FASN: variants seen among roughly 807,000 people sequenced by gnomAD.
FASN encodes the protein 3-hydroxyacyl-[acyl-carrier-protein] dehydratase.
FASN carries 50 observed loss-of-function variants against 250.0 expected under a neutral mutation model. The observed-to-expected ratio is 0.20, with a 90% CI of 0.16 to 0.25. The LOEUF is 0.25. FASN is among the 10% of genes least tolerant of loss of function. The probability of loss-of-function intolerance (pLI) is 1.00; values close to 1 mark genes in which losing one functional copy is unlikely to be tolerated. For missense variants in FASN, 3,031 were observed against 3,498.5 expected (o/e 0.87, Z 3.37); for synonymous variants, 1,909 against 1,584.0 (o/e 1.21, Z -4.87).
chr17:82,080,762 G>A lies in FASN; in HGVS notation c.6756C>T (p.Gly2252=), dbSNP rs1392026455. 1.2e-6 allele frequency: 2 copies of A among 1,603,694 alleles called. No homozygotes were observed. The highest frequency in any genetic ancestry group is 4.5e-5 in the East Asian group (2 of 44,496). The change falls in exon 39 of 43, where the codon GGC becomes GGT. Residue 2252 remains glycine (G), a synonymous_variant. Coordinates refer to ENST00000306749, the MANE Select transcript of FASN (RefSeq NM_004104.5). The part of the protein sequence containing the change: ...RPLFLVHPIE[G]STTVFHSLAS... ...CCAGGCTGTGGAACACGGTGGTGGA[G>A]CCCTCGATTGGGTGCACCAGGAACA...
intron 3 of FASN, 189 bp from the exon 4 acceptor site, chr17:82,093,960 G>A (rs1301105097): frequency 1.5e-6 from 1 of 649,922 alleles, no homozygotes; most frequent in African/African-American, 1.8e-5. Context: ...CCAGAACAGA[G>A]CCTGTGGCCA....
At chr17:82,088,690 G>A (rs2034149169) in intron 15 of FASN, 71 bp downstream of exon 15, 18 of 1,513,594 alleles carry the variant, frequency 1.2e-5, no homozygotes, top group Non-Finnish European at 1.4e-5. Flanking sequence ...TGAGGGGCCC[G>A]CAGCCCCGCT....
At position 82,084,042 on chromosome 17, in the gene FASN, C is replaced by T. The variant is rs373883359; in HGVS notation, c.5031G>A (p.Ser1677=). ...CGATGGCGGCCTGGCCCACGCCGCC[C>T]GAGCCCGAGTGGATGAGCAGCGTCT... The part of the protein sequence containing the change: ...PGETLLIHSG[S]GGVGQAAIAI... The change falls in exon 29 of 43, where the codon TCG becomes TCA. Residue 1677 remains serine, a synonymous_variant. Transcript: ENST00000306749. 1.7e-4 allele frequency: 256 copies of T among 1,542,932 alleles called. No individual in the cohort carries two copies. The highest frequency in any genetic ancestry group is 9.1e-4 in the East Asian group (37 of 40,864).
chr17:82,087,252 C>T lies in FASN; in HGVS notation c.3225G>A (p.Val1075=), dbSNP rs1431514911. The T allele has an allele frequency of 3.1e-6, 5 of 1,605,500 alleles. No individual in the cohort carries two copies. The highest frequency in any genetic ancestry group is 2.5e-6 in the Non-Finnish European group (3 of 1,177,424). Residue 1075 remains valine (V), a splice_region_variant and synonymous_variant, in exon 21 of 43, where the codon GTG becomes GTA. Coordinates refer to ENST00000306749, the MANE Select transcript of FASN (RefSeq NM_004104.5). The part of the protein sequence containing the change: ...KLYTLQDKAQ[V]ADVVVSRWLR... ...GCCACCTGCTCACCACCACGTCAGCCACTGTGGGGACAGGCTGGGTGAGTG... is the reference window on the plus strand; with the variant it reads ...GCCACCTGCTCACCACCACGTCAGCTACTGTGGGGACAGGCTGGGTGAGTG...
rs777252616 is a variant in FASN at position 82,083,812 on chromosome 17, T to C, written c.5178A>G (p.Thr1726=). Reference sequence around the variant, plus strand: ...GCCACAGCACATGCTGCTCGAAGGATGTGTCCCGGGAGTTGGCGAAGCTGG... The same window carrying C: ...GCCACAGCACATGCTGCTCGAAGGACGTGTCCCGGGAGTTGGCGAAGCTGG... ...DSTSFANSRD[T]SFEQHVLWHT... The change falls in exon 30 of 43, where the codon ACA becomes ACG. Residue 1726 remains threonine (T), a synonymous_variant. Transcript: ENST00000306749. 10 of 1,608,912 alleles carry C rather than the reference T, an allele frequency of 6.2e-6. No individual in the cohort carries two copies. The South Asian group carries it at 8.9e-5, about 14-fold the overall frequency.
intron 2 of FASN, among the ~76,000 whole-genome samples, chr17:82,095,735 G>C (rs570258047): frequency 1.3e-5 from 2 of 152,332 alleles, no homozygotes; most frequent in Admixed American, 1.3e-4. Context: ...AGCTCGGCGG[G>C]AGTGAGGCTG....
intron 4 of FASN, 49 bp from the exon 5 acceptor site, chr17:82,093,468 C>A: frequency 6.3e-7 from 1 of 1,580,676 alleles, no homozygotes; most frequent in Non-Finnish European, 8.6e-7. Context: ...GCACACGAGA[C>A]CCCTGAGCAC....
chr17:82,086,590 C>T, intron 21 of FASN, 32 bp from the exon 22 acceptor site: 3 of 1,550,696 alleles, frequency 1.9e-6, no homozygotes, highest in Non-Finnish European at 2.7e-6. Flanking sequence ...CCTGGTGTTC[C>T]CAAAGCCCCA....
At chr17:82,095,227 C>T in intron 3 of FASN, 93 bp downstream of exon 3, 2 of 1,469,136 alleles carry the variant, frequency 1.4e-6, no homozygotes, top group South Asian at 1.1e-5. Context: ...GGTGCCAGCA[C>T]CTGGTTCTAC....
chr17:82,092,670 G>A, intron 7 of FASN, 27 bp downstream of exon 7: 1 of 1,440,348 alleles, frequency 6.9e-7, no homozygotes. Context: ...ATGGGGTGGT[G>A]AGTGGGGCGG....
At chr17:82,080,038 G>A (rs1370386362) in intron 41 of FASN, 102 bp downstream of exon 41, 6 of 1,251,482 alleles carry the variant, frequency 4.8e-6, no homozygotes, top group Non-Finnish European at 7.0e-6. Context: ...TGAAGTTGGG[G>A]GGCCTTTAAC....
chr17:82,082,819 C>G (rs553835393), intron 33 of FASN, 95 bp downstream of exon 33: 2 of 1,555,872 alleles, frequency 1.3e-6, no homozygotes, highest in African/African-American at 2.7e-5. Context: ...CCCCAGGCAC[C>G]GTGACAGCCC....
rs1598579238 is a variant in FASN at position 82,088,037 on chromosome 17, G to A, written c.2786-3C>T. 2 of 1,612,662 alleles carry A rather than the reference G, an allele frequency of 1.2e-6. No homozygotes were observed. The highest frequency in any genetic ancestry group is 1.7e-6 in the Non-Finnish European group (2 of 1,179,890). On this transcript the variant is annotated splice_polypyrimidine_tract_variant and splice_region_variant and intron_variant, in intron 17 of 42. Coordinates refer to ENST00000306749, the MANE Select transcript of FASN (RefSeq NM_004104.5). Reference sequence around the variant, plus strand: ...CCGTACCTCCAGGGACACTGTCCCTGCAGAGCGGGAGAGTTGGAGATCAGA... The same window carrying A: ...CCGTACCTCCAGGGACACTGTCCCTACAGAGCGGGAGAGTTGGAGATCAGA...
At position 82,090,411 on chromosome 17, in the gene FASN, C is replaced by T. The variant is rs1168652018; in HGVS notation, c.1834G>A (p.Glu612Lys). The change falls in exon 11 of 43, where the codon GAA (glutamate) becomes AAA (lysine). Residue 612 changes from glutamate (E) to lysine (K), a missense_variant. Physicochemically the swap from Glu to Lys is moderately conservative, Grantham distance 56. Transcript: ENST00000306749. ...AAYWRGQCIK[E>K]AHLPPGAMAA... Reference sequence around the variant, plus strand: ...ATGGCGCCCGGCGGGAGATGGGCTTCTTTGATGCACTGTCCCCTCCAGTAG... The same window carrying T: ...ATGGCGCCCGGCGGGAGATGGGCTTTTTTGATGCACTGTCCCCTCCAGTAG... The T allele has an allele frequency of 1.2e-6, 2 of 1,600,048 alleles. No homozygotes were observed. Among genetic ancestry groups the T allele is most frequent in the Non-Finnish European group, 1.7e-6 (2 of 1,174,542 alleles).
rs374605220 is a variant in FASN, at chr17:82,087,424, C to G, written c.3124G>C (p.Ala1042Pro). ...GTGGGCAGGTACAGGCCGTGCTTGG[C>G]CGAGCCCAGGATGGACATCTGCAGC... is the stretch of plus-strand genomic sequence containing the variant. Reference protein sequence around the residue: ...TMLQMSILGSAKHGLYLPTRV... With the variant: ...TMLQMSILGSPKHGLYLPTRV... The change falls in exon 20 of 43, where the codon GCC (alanine) becomes CCC (proline). Residue 1042 changes from alanine to proline, a missense_variant. Transcript: ENST00000306749. 2.4e-5 allele frequency: 38 copies of G among 1,612,516 alleles called. No homozygotes were observed. Among genetic ancestry groups the G allele is most frequent in the Non-Finnish European group, 3.1e-5 (37 of 1,179,992 alleles).
chr17:82,080,300 C>A (rs559727453), intron 40 of FASN, 62 bp from the exon 41 acceptor site: 1 of 1,611,632 alleles, frequency 6.2e-7, no homozygotes, highest in East Asian at 2.2e-5. Context: ...GCGACGGTCC[C>A]CCAAAGCCAG....
intron 5 of FASN, 46 bp downstream of exon 5, chr17:82,093,173 C>T: frequency 6.5e-7 from 1 of 1,542,654 alleles, no homozygotes; most frequent in Non-Finnish European, 8.8e-7. Flanking sequence ...GGGGGCCGTC[C>T]TGTGCCACTG....
chr17:82,092,875 C>G, intron 6 of FASN, 22 bp downstream of exon 6: 3 of 1,592,928 alleles, frequency 1.9e-6, no homozygotes, highest in Non-Finnish European at 2.6e-6. Flanking sequence ...CCCCAGCACC[C>G]CGGAACCCCG....
At chr17:82,091,984 G>A (rs2034218372) in intron 8 of FASN, among the ~76,000 whole-genome samples, 1 of 152,212 alleles carries the variant, frequency 6.6e-6, no homozygotes, top group African/African-American at 2.4e-5. Flanking sequence ...CCCAGATGTT[G>A]CATCTCAGAG....
Sources: allele counts gnomAD v4.1 joint callset (sites outside exome capture counted in the v4.1 genomes callset), GRCh38; gene constraint gnomAD v4.1.1; transcripts MANE v1.5; gene names NCBI Gene and HGNC (gene_info 2026-07-23, HGNC 2026-07-21).